ZIC3: variants seen among roughly 807,000 people sequenced by gnomAD.
ZIC3 encodes the protein zinc finger protein ZIC 3.
A neutral mutation model predicts 18.3 loss-of-function variants in ZIC3; 6 were observed. That is an observed-to-expected ratio of 0.33 (90% CI 0.18 to 0.65). The LOEUF is 0.65. ZIC3 is among the 30% of genes least tolerant of loss of function. ZIC3 has a pLI of 0.75. For synonymous variants in ZIC3, 175 were observed against 177.0 expected (o/e 0.99, Z 0.09); for missense variants, 260 against 410.0 (o/e 0.63, Z 3.16).
In ZIC3 at chrX:137,569,184, C is replaced by T. The variant is rs1048619059; in HGVS notation, c.1224+119C>T. On this transcript the variant is annotated intron_variant, in intron 2 of 2. Transcript: ENST00000287538. The stretch of plus-strand genomic sequence containing the variant: ...CTTCCACGTTAAATCCGATTTGCTC[C>T]AGCAGTGACACCTTGAACCCATTTT... 1.8e-5 allele frequency: 14 copies of T among 779,415 alleles called. No individual in the cohort carries two copies. The Admixed American group carries it at 3.4e-4, about 19-fold the overall frequency. 64.2% of individuals were successfully genotyped at this position (779,415 alleles called of 1,213,427 possible).
chrX:137,573,823 C>G (rs1435533917), downstream of ZIC3: 1 of 112,676 alleles, frequency 8.9e-6, no homozygotes, highest in East Asian at 2.8e-4. Flanking sequence ...CCTCGGGCCC[C>G]TCGTCGGGGC....
chrX:137,577,181 C>T, exon 3 of ZIC3: 1 of 524,950 alleles, frequency 1.9e-6, no homozygotes, highest in South Asian at 2.5e-5. Flanking sequence ...TTGATACTGA[C>T]GTTGGTATGC....
chrX:137,567,391 C>G lies in ZIC3; in HGVS notation c.700C>G (p.His234Asp), dbSNP rs1439788687. ...MNMGVNVAAH[H>D]GPGAFFRYMR... ...CATGGGAGTGAACGTGGCGGCCCAC[C>G]ACGGGCCCGGCGCCTTCTTCCGTTA... The change falls in exon 1 of 3, where the codon CAC becomes GAC. Residue 234 changes from histidine to aspartate, a missense_variant. By Grantham distance (81) the His-to-Asp change is moderately conservative. Transcript: ENST00000287538. 5 of 1,211,518 alleles carry G rather than the reference C, an allele frequency of 4.1e-6. No homozygotes were observed. The Admixed American group carries it at 6.5e-5, about 16-fold the overall frequency.
chrX:137,569,815 G>A, intron 2 of ZIC3, 76 bp from the exon 3 acceptor site: 1 of 1,046,974 alleles, frequency 9.6e-7, no homozygotes, highest in Non-Finnish European at 1.3e-6. Context: ...TACAGTGCTC[G>A]AATTCTGCTC....
At chrX:137,568,758 C>T in intron 1 of ZIC3, 144 bp from the exon 2 acceptor site, 7 of 516,309 alleles carry the variant, frequency 1.4e-5, no homozygotes, top group Middle Eastern at 1.5e-3. Context: ...TCATTTCTCT[C>T]CAGGGAAAAT....
intron 1 of ZIC3, among the ~76,000 whole-genome samples, chrX:137,567,958 A>G (rs1371568283): frequency 1.8e-5 from 2 of 113,206 alleles, no homozygotes; most frequent in Non-Finnish European, 3.7e-5. Flanking sequence ...TCCCGGGCAG[A>G]CTGCTCTGCG....
rs1401983931 is a variant in ZIC3 at position 137,572,047 on chromosome X, TTTA to T, written c.*1980_*1982del. Among the ~76,000 whole-genome samples, 2 of 112,506 alleles carry T rather than the reference TTTA, an allele frequency of 1.8e-5. No homozygotes were observed. The highest frequency in any genetic ancestry group is 3.8e-5 in the Non-Finnish European group (2 of 53,327). ...GATCATTTTCAATTCTAGAATTTTG[TTTA>T]TTGTTCTTTTTGAAGAAATAAAGTC... On this transcript the variant is annotated 3_prime_UTR_variant, in exon 3 of 3. Transcript: ENST00000287538.
Position 137,566,705 on chromosome X carries a change from T to C in ZIC3, c.14T>C (p.Leu5Pro), listed in dbSNP as rs776181924. The change falls in exon 1 of 3, where the codon CTG becomes CCG. Residue 5 changes from leucine (L) to proline (P), a missense_variant. Coordinates refer to ENST00000287538, the MANE Select transcript of ZIC3 (RefSeq NM_003413.4). ...AACGTCCCACCCATGACGATGCTCC[T>C]GGACGGAGGCCCGCAGTTCCCTGGG... MTML[L>P]DGGPQFPGLG... 8.3e-7 allele frequency: 1 copy of C among 1,200,545 alleles called. No individual in the cohort carries two copies. Among genetic ancestry groups the C allele is most frequent in the Non-Finnish European group, 1.1e-6 (1 of 890,796 alleles).
intron 1 of ZIC3, among the ~76,000 whole-genome samples, 165 bp downstream of exon 1, chrX:137,567,916 C>T (rs566417840): frequency 1.8e-5 from 2 of 113,473 alleles, no homozygotes; most frequent in South Asian, 7.0e-4. Context: ...CTAGCCCTCC[C>T]CGTCCCGTGG....
In ZIC3 at chrX:137,567,571, A is replaced by C. The variant is rs1290475146; in HGVS notation, c.880A>C (p.Asn294His). ...MEHVGGPEQN[N>H]HVCYWEECPR... ...GCATGTGGGGGGCCCGGAGCAGAAC[A>C]ACCACGTCTGCTACTGGGAGGAGTG... The change falls in exon 1 of 3, where the codon AAC becomes CAC. Residue 294 changes from asparagine to histidine, a missense_variant. Transcript: ENST00000287538. 1 of 1,212,437 alleles carries C rather than the reference A, an allele frequency of 8.2e-7. No homozygotes were observed. The highest frequency in any genetic ancestry group is 1.1e-6 in the Non-Finnish European group (1 of 895,677).
chrX:137,572,768 T>C (rs1931455985), downstream of ZIC3, among the ~76,000 whole-genome samples: 1 of 111,340 alleles, frequency 9.0e-6, no homozygotes, highest in Admixed American at 9.6e-5. Context: ...TTAAATGTAT[T>C]AAATATCTCC....
rs996959953 is a variant in ZIC3, at chrX:137,567,083, C to T, written c.392C>T (p.Ala131Val). 3 of 1,193,336 alleles carry T rather than the reference C, an allele frequency of 2.5e-6. No individual in the cohort carries two copies. Among genetic ancestry groups the T allele is most frequent in the African/African-American group, 1.7e-5 (1 of 57,330 alleles). ...CGCAGCTCCGGGCTCAGTGAGGCGG[C>T]CTCGGGTGGCGGGCAGCACGGGCTC... ...RQRSSGLSEA[A>V]SGGGQHGLFA... Residue 131 changes from alanine (A) to valine (V), a missense_variant, in exon 1 of 3, where the codon GCC (alanine) becomes GTC (valine). Around this residue, in one of 4 missense-constraint regions of ZIC3, gnomAD observed 183 missense variants for 223.8 expected, o/e 0.82. Coordinates refer to ENST00000287538, the MANE Select transcript of ZIC3 (RefSeq NM_003413.4).
intron 2 of ZIC3, among the ~76,000 whole-genome samples, chrX:137,569,478 TTGTC>T (rs1484875490): frequency 4.4e-5 from 5 of 112,390 alleles, no homozygotes; most frequent in South Asian, 3.7e-4. Context: ...TCCCACACAT[TTGTC>T]TGCGACTTCG....
chrX:137,566,559 A>G lies in ZIC3; in HGVS notation c.-133A>G. 1.9e-6 allele frequency: 2 copies of G among 1,070,097 alleles called. No individual in the cohort carries two copies. The highest frequency in any genetic ancestry group is 5.5e-5 in the Admixed American group (2 of 36,338). The allele number at this position is 1,070,097 out of a possible 1,213,427, so 88.2% of individuals were successfully genotyped here. A position where few individuals can be genotyped will look rare whatever the true frequency, so the allele number is the denominator to read the frequency against. On this transcript the variant is annotated 5_prime_UTR_variant, in exon 1 of 3. Coordinates refer to ENST00000287538, the MANE Select transcript of ZIC3 (RefSeq NM_003413.4). ...GTGACGGAAAGTTGCAGCCCCTGGT[A>G]GCGCCTTGGGGGTCTCCCCGCAGTG... is the stretch of plus-strand genomic sequence containing the variant.
chrX:137,569,809 G>C, intron 2 of ZIC3, 82 bp from the exon 3 acceptor site: 1 of 998,427 alleles, frequency 1.0e-6, no homozygotes, highest in Non-Finnish European at 1.4e-6. Flanking sequence ...TGTTGTTACA[G>C]TGCTCGAATT....
At chrX:137,568,875 C>A in intron 1 of ZIC3, 27 bp from the exon 2 acceptor site, 1 of 1,209,786 alleles carries the variant, frequency 8.3e-7, no homozygotes, top group Non-Finnish European at 1.1e-6. Context: ...CCGTATTTTA[C>A]CCCCCTTGGG....
intron 2 of ZIC3, 123 bp downstream of exon 2, chrX:137,569,188 A>T: frequency 1.5e-5 from 8 of 548,480 alleles, no homozygotes; most frequent in African/African-American, 2.9e-5. Context: ...TTGCTCCAGC[A>T]GTGACACCTT....
downstream of ZIC3, among the ~76,000 whole-genome samples, chrX:137,574,532 G>A (rs1174005642): frequency 4.4e-5 from 5 of 113,312 alleles, no homozygotes; most frequent in Non-Finnish European, 7.5e-5. Context: ...GCCTTTTCAA[G>A]CCGCGGCCGG....
rs1236318559 is a variant in ZIC3, at chrX:137,566,948, GCCACCATCACCA to G, written c.270_281del (p.His94_His97del). 2.6e-5 allele frequency: 30 copies of G among 1,165,971 alleles called. No individual in the cohort carries two copies. Among genetic ancestry groups the G allele is most frequent in the Admixed American group, 1.3e-4 (5 of 38,813 alleles). ...GGTTCGGGCTACGCCAACGCCCTGG[GCCACCATCACCA>G]CCACCATCACCATCATCACCACACC... On this transcript the variant is annotated inframe_deletion, in exon 1 of 3. Coordinates refer to ENST00000287538, the MANE Select transcript of ZIC3 (RefSeq NM_003413.4).
Sources: gnomAD v4.1 joint callset for allele counts (sites outside exome capture counted in the v4.1 genomes callset) on GRCh38, gnomAD v4.1.1 for gene constraint, gnomAD v4.1.1 regional missense constraint, MANE v1.5 for transcripts, NCBI Gene and HGNC (gene_info 2026-07-23, HGNC 2026-07-21) for gene names.